The following SLC41A2 variants were observed in gnomAD, a reference collection of about 807,000 sequenced individuals.
SLC41A2 encodes the protein solute carrier family 41 member 2.
Under a neutral mutation model 58.3 loss-of-function variants are expected in SLC41A2, and 32 were observed. The observed-to-expected ratio is 0.55, with a 90% CI of 0.41 to 0.74. SLC41A2 has a LOEUF of 0.74. Among genes scored for constraint, SLC41A2 ranks in the 30% least tolerant of loss-of-function variants. The pLI, the probability that SLC41A2 is intolerant of heterozygous loss-of-function variation, is 0.00. For synonymous variants in SLC41A2, 190 were observed against 235.0 expected, an observed-to-expected ratio of 0.81 and a Z score of 1.75; for missense variants, 514 against 680.6, an observed-to-expected ratio of 0.76 and a Z score of 2.72.
intron 10 of SLC41A2, among the ~76,000 whole-genome samples, chr12:104,815,454 A>AAAG (rs1566097950): frequency 6.6e-6 from 1 of 152,194 alleles, no homozygotes; most frequent in African/African-American, 2.4e-5. Flanking sequence ...ATAAATATAT[A>AAAG]AAGTACAAAA....
At position 104,831,343 on chromosome 12, in the gene SLC41A2, T is replaced by C. The variant is rs149424888; in HGVS notation, c.1536+13129A>G. Among the ~76,000 whole-genome samples, 21 of 152,164 alleles carry C rather than the reference T, an allele frequency of 1.4e-4. No homozygotes were observed. In the East Asian group the frequency reaches 3.9e-3, roughly 28 times the overall value. On this transcript the variant is annotated intron_variant, in intron 10 of 10. Transcript: ENST00000258538. ...TCTCCCACCTCAGTCTCCAAAAATG[T>C]TGGGATTACAGGCATGAGCCACCAT...
At chr12:104,867,542 T>A (rs1033608453) in intron 6 of SLC41A2, among the ~76,000 whole-genome samples, 1 of 150,328 alleles carries the variant, frequency 6.7e-6, no homozygotes, top group African/African-American at 2.4e-5. Flanking sequence ...AATTTTCTAT[T>A]TTTTTTGCTT....
rs78836982 is a variant in SLC41A2, at chr12:104,823,574, A to G, written c.1537-18237T>C. ...ATGGTGCTGTAACAACCGGATGTTC[A>G]TACTGAAAAATATGAACCTCAAGCC... On this transcript the variant is annotated intron_variant, in intron 10 of 10. Coordinates refer to ENST00000258538, the MANE Select transcript of SLC41A2 (RefSeq NM_001352171.3). 8.7e-3 allele frequency among the ~76,000 whole-genome samples: 1,319 copies of G among 152,300 alleles called. 36 individuals are homozygous for G. The East Asian group carries it at 0.12, about 14-fold the overall frequency.
chr12:104,850,989 C>T (rs1456772331), intron 8 of SLC41A2, among the ~76,000 whole-genome samples: 1 of 152,088 alleles, frequency 6.6e-6, no homozygotes, highest in Non-Finnish European at 1.5e-5. Context: ...TTTCTGAAAA[C>T]CACCTCAGTC....
At chr12:104,860,150 T>C (rs1338661409) in intron 8 of SLC41A2, among the ~76,000 whole-genome samples, 3 of 152,138 alleles carry the variant, frequency 2.0e-5, no homozygotes, top group Middle Eastern at 3.4e-3. Context: ...ATTATATTGA[T>C]CTAGGCTGTA....
At chr12:104,874,496 T>C (rs1258617306) in intron 6 of SLC41A2, among the ~76,000 whole-genome samples, 1 of 152,232 alleles carries the variant, frequency 6.6e-6, no homozygotes, top group Non-Finnish European at 1.5e-5. Flanking sequence ...TTTAGGTCTT[T>C]AATCTATTTT....
At chr12:104,887,909 C>T (rs1165303691) in intron 5 of SLC41A2, among the ~76,000 whole-genome samples, 1 of 151,982 alleles carries the variant, frequency 6.6e-6, no homozygotes, top group African/African-American at 2.4e-5. Context: ...AATTAGAACA[C>T]ACATTATTCA....
At chr12:104,877,726 T>C (rs2044120426) in intron 6 of SLC41A2, among the ~76,000 whole-genome samples, 1 of 152,076 alleles carries the variant, frequency 6.6e-6, no homozygotes, top group African/African-American at 2.4e-5. Flanking sequence ...AGGTGGGGCG[T>C]GGTGGCTCAC....
chr12:104,890,618 C>A (rs1161187727), intron 4 of SLC41A2, among the ~76,000 whole-genome samples: 1 of 152,056 alleles, frequency 6.6e-6, no homozygotes, highest in Admixed American at 6.6e-5. Flanking sequence ...TAATGACTAA[C>A]TGAAAAATGA....
intron 6 of SLC41A2, among the ~76,000 whole-genome samples, chr12:104,883,635 G>A (rs1027875667): frequency 3.3e-5 from 5 of 152,214 alleles, no homozygotes; most frequent in African/African-American, 1.2e-4. Context: ...GTTTTCCTGG[G>A]TATCACCAGC....
intron 1 of SLC41A2, among the ~76,000 whole-genome samples, chr12:104,941,232 A>C (rs575261603): frequency 3.7e-4 from 57 of 152,338 alleles, no homozygotes; most frequent in African/African-American, 1.4e-3. Flanking sequence ...CTGATACCCC[A>C]GAGCTAGCTG....
intron 10 of SLC41A2, among the ~76,000 whole-genome samples, chr12:104,838,876 C>G (rs2042304208): frequency 6.6e-6 from 1 of 152,188 alleles, no homozygotes; most frequent in Admixed American, 6.5e-5. Flanking sequence ...GTGACTACCA[C>G]AGTAGTTGGC....
chr12:104,813,356 T>TA (rs1310902685), intron 10 of SLC41A2, among the ~76,000 whole-genome samples: 6 of 151,888 alleles, frequency 4.0e-5, no homozygotes. Context: ...AACAATTTAT[T>TA]AAAAAAAGAT....
At chr12:104,862,960 T>A (rs1476514883) in intron 7 of SLC41A2, among the ~76,000 whole-genome samples, 1 of 151,822 alleles carries the variant, frequency 6.6e-6, no homozygotes, top group East Asian at 2.0e-4. Context: ...CACCACCATG[T>A]TGTACAATAA....
At chr12:104,912,710 C>T (rs956441177) in intron 2 of SLC41A2, among the ~76,000 whole-genome samples, 3 of 152,174 alleles carry the variant, frequency 2.0e-5, no homozygotes, top group African/African-American at 7.2e-5. Context: ...TCACCGGAAC[C>T]CCAGCTTAAA....
chr12:104,923,132 G>A lies in SLC41A2; in HGVS notation c.555+4841C>T, dbSNP rs372336099. Among the ~76,000 whole-genome samples, 33 of 149,650 alleles carry A rather than the reference G, an allele frequency of 2.2e-4. No homozygotes were observed. The East Asian group carries it at 6.0e-3, about 27-fold the overall frequency. ...AATCCCAGCACTTTGGGAGGCCGAG[G>A]CGTGTGGGTCACGAGGTCAGGAGGT... On this transcript the variant is annotated intron_variant, in intron 2 of 10. Coordinates refer to ENST00000258538, the MANE Select transcript of SLC41A2 (RefSeq NM_001352171.3).
intron 1 of SLC41A2, among the ~76,000 whole-genome samples, chr12:104,939,111 T>C (rs2047399740): frequency 6.6e-6 from 1 of 152,226 alleles, no homozygotes; most frequent in Admixed American, 6.5e-5. Flanking sequence ...TGTGAGACCT[T>C]TGTCATAGTT....
At position 104,804,925 on chromosome 12, in the gene SLC41A2, CTA is replaced by C. The variant is rs1253502256; in HGVS notation, c.*225_*226del. 8.7e-6 allele frequency: 3 copies of C among 344,678 alleles called. No homozygotes were observed. The highest frequency in any genetic ancestry group is 4.2e-5 in the African/African-American group (2 of 47,258). The allele number at this position is 344,678 out of a possible 1,614,324, so 21.4% of individuals were successfully genotyped here. Reference sequence around the variant, plus strand: ...TCAGAGCTGGAACTTATATCTATGTCTATGTCAAATTATCATTTATTCTATGA... The same window carrying C: ...TCAGAGCTGGAACTTATATCTATGTCTGTCAAATTATCATTTATTCTATGA... On this transcript the variant is annotated 3_prime_UTR_variant, in exon 11 of 11. Transcript: ENST00000258538.
At chr12:104,814,732 T>TAGTA (rs1236707636) in intron 10 of SLC41A2, among the ~76,000 whole-genome samples, 10 of 152,234 alleles carry the variant, frequency 6.6e-5, no homozygotes, top group Non-Finnish European at 1.3e-4. Flanking sequence ...GCTTGGTTTA[T>TAGTA]AGTAAGTACT....
Sources: gnomAD v4.1 joint callset for allele counts (sites outside exome capture counted in the v4.1 genomes callset) on GRCh38, gnomAD v4.1.1 for gene constraint, MANE v1.5 for transcripts, NCBI Gene and HGNC (gene_info 2026-07-23, HGNC 2026-07-21) for gene names.